The following ANKRD55 variants were observed in gnomAD, a reference collection of about 807,000 sequenced individuals.
ANKRD55 encodes the protein ankyrin repeat domain 55.
ANKRD55 carries 41 observed loss-of-function variants against 60.6 expected under a neutral mutation model. The observed-to-expected ratio is 0.68, with a 90% confidence interval of 0.53 to 0.88. The LOEUF is 0.88. Among genes scored for constraint, ANKRD55 ranks in the 40% least tolerant of loss-of-function variants. The pLI, the probability that ANKRD55 is intolerant of heterozygous loss-of-function variation, is 0.00. For missense variants in ANKRD55, 732 were observed against 767.6 expected, an observed-to-expected ratio of 0.95 and a Z score of 0.55; for synonymous variants, 264 against 290.3, an observed-to-expected ratio of 0.91 and a Z score of 0.92.
At chr5:56,172,286 A>G (rs1159458801) in intron 4 of ANKRD55, among the ~76,000 whole-genome samples, 1 of 152,180 alleles carries the variant, frequency 6.6e-6, no homozygotes, top group Admixed American at 6.5e-5. Context: ...TTGACCATTA[A>G]TATCTAAGTC....
At chr5:56,233,170 C>T (rs1442116596) in intron 1 of ANKRD55, 71 bp downstream of exon 1, 37 of 455,772 alleles carry the variant, frequency 8.1e-5, no homozygotes, top group Non-Finnish European at 1.1e-4. Context: ...ATAATACACC[C>T]TCCACCCCCA....
At chr5:56,218,303 C>T (rs1305916685) in intron 2 of ANKRD55, among the ~76,000 whole-genome samples, 2 of 152,114 alleles carry the variant, frequency 1.3e-5, no homozygotes, top group African/African-American at 2.4e-5. Flanking sequence ...GGGTAAAATG[C>T]TATCAAACCA....
At chr5:56,120,505 T>C (rs1285330537) in intron 8 of ANKRD55, among the ~76,000 whole-genome samples, 2 of 152,304 alleles carry the variant, frequency 1.3e-5, no homozygotes, top group East Asian at 3.9e-4. Context: ...AAAGCCAAGC[T>C]TGGGACTGAG....
intron 7 of ANKRD55, among the ~76,000 whole-genome samples, chr5:56,129,182 G>T (rs1757347565): frequency 6.6e-6 from 1 of 152,182 alleles, no homozygotes; most frequent in South Asian, 2.1e-4. Context: ...TTAGGCCTGG[G>T]AGGTAGGGAA....
chr5:56,207,315 T>C (rs1759535707), intron 2 of ANKRD55, among the ~76,000 whole-genome samples: 1 of 152,196 alleles, frequency 6.6e-6, no homozygotes, highest in Non-Finnish European at 1.5e-5. Flanking sequence ...TCCTTGTTGA[T>C]CTGAGGGCAT....
intron 8 of ANKRD55, among the ~76,000 whole-genome samples, chr5:56,123,099 T>C (rs1382538735): frequency 6.6e-6 from 1 of 152,002 alleles, no homozygotes; most frequent in African/African-American, 2.4e-5. Context: ...AGAATGACTA[T>C]CCCTCTGGTA....
In ANKRD55 at chr5:56,183,568, G is replaced by T. The variant is rs1234007531; in HGVS notation, c.125C>A (p.Ala42Asp). 2 of 1,614,210 alleles carry T rather than the reference G, an allele frequency of 1.2e-6. No homozygotes were observed. The highest frequency in any genetic ancestry group is 8.5e-7 in the Non-Finnish European group (1 of 1,180,036). ...GTCTTCCCGAATCACTGCAGTCAGA[G>T]CATTGACATCTCCATTAGAGGCTGC... Reference protein sequence around the residue: ...YQAASNGDVNALTAVIREDPS... With the variant: ...YQAASNGDVNDLTAVIREDPS... The change falls in exon 3 of 12, where the codon GCT becomes GAT. Residue 42 changes from alanine (A) to aspartate (D), a missense_variant. Physicochemically the swap from Ala to Asp is moderately radical, Grantham distance 126. Around this residue, in one of 3 missense-constraint regions of ANKRD55, gnomAD observed 131 missense variants for 142.7 expected, o/e 0.92. Transcript: ENST00000341048.
rs1756213488 is a variant in ANKRD55 at position 56,099,796 on chromosome 5, C to CTTTTTT, written c.*386_*387insAAAAAA. The CTTTTTT allele has an allele frequency of 6.6e-6, 1 of 151,210 alleles. No individual in the cohort carries two copies. 9.4% of individuals were successfully genotyped at this position (151,210 alleles called of 1,614,324 possible). On this transcript the variant is annotated 3_prime_UTR_variant, in exon 12 of 12. Coordinates refer to ENST00000341048, the MANE Select transcript of ANKRD55 (RefSeq NM_024669.3). ...GGTTTTTTTTTTGTTTTGTTTTTTGCTTTTATTCAGCAAAGCGTACTTTTT... is the reference window on the plus strand; with the variant it reads ...GGTTTTTTTTTTGTTTTGTTTTTTGCTTTTTTTTTTATTCAGCAAAGCGTACTTTTT...
chr5:56,121,510 C>T (rs1261969979), intron 8 of ANKRD55, among the ~76,000 whole-genome samples: 11 of 151,686 alleles, frequency 7.3e-5, no homozygotes, highest in East Asian at 3.9e-4. Context: ...GTAGCTGGGA[C>T]TACAGGCGCC....
rs1561263938 is a variant in ANKRD55 at position 56,135,288 on chromosome 5, C to CTTGCT, written c.613-8183_613-8182insAGCAA. 3.6e-3 allele frequency among the ~76,000 whole-genome samples: 337 copies of CTTGCT among 93,042 alleles called. 7 individuals are homozygous for CTTGCT. Among genetic ancestry groups the CTTGCT allele is most frequent in the African/African-American group, 6.4e-3 (167 of 26,004 alleles). 61.0% of individuals were successfully genotyped at this position (93,042 alleles called of 152,430 possible). A position where few individuals can be genotyped will look rare whatever the true frequency, so the allele number is the denominator to read the frequency against. On this transcript the variant is annotated intron_variant, in intron 7 of 11. Transcript: ENST00000341048. The stretch of plus-strand genomic sequence containing the variant: ...TTTCCCTCCCTCCCTCCCTGCCTGC[C>CTTGCT]TGCTTGCTTTCTTTCTTTCTTTCTT...
intron 2 of ANKRD55, among the ~76,000 whole-genome samples, chr5:56,217,424 T>C (rs533636430): frequency 2.0e-5 from 3 of 152,350 alleles, no homozygotes; most frequent in East Asian, 3.9e-4. Context: ...AGGAGTAATT[T>C]TGACTTTCAA....
chr5:56,198,902 A>G (rs533807451), intron 2 of ANKRD55, among the ~76,000 whole-genome samples: 1 of 150,514 alleles, frequency 6.6e-6, no homozygotes, highest in Admixed American at 6.6e-5. Flanking sequence ...ACATGGTGAA[A>G]CCCCGTCTCT....
chr5:56,228,234 C>CT (rs1212629302), intron 2 of ANKRD55, among the ~76,000 whole-genome samples: 1 of 152,040 alleles, frequency 6.6e-6, no homozygotes, highest in Non-Finnish European at 1.5e-5. Context: ...TGGGTGGTCC[C>CT]TAAATGCAAT....
chr5:56,231,688 CACACACACATACACATACACAA>C (rs1171363860), intron 2 of ANKRD55, among the ~76,000 whole-genome samples: 6 of 130,296 alleles, frequency 4.6e-5, no homozygotes, highest in African/African-American at 1.6e-4. Flanking sequence ...CACACACACA[CACACACACATACACATACACAA>C]ACACTATTCC....
rs561508283 is a variant in ANKRD55, at chr5:56,160,440, C to T, written c.423-547G>A. ...TTTTTTAGTAGAGACGGGGTTTCAC[C>T]GTGTTAGCCAGGATGGTCTGGATCT... On this transcript the variant is annotated intron_variant, in intron 5 of 11. Coordinates refer to ENST00000341048, the MANE Select transcript of ANKRD55 (RefSeq NM_024669.3). Among the ~76,000 whole-genome samples, 577 of 152,214 alleles carry T rather than the reference C, an allele frequency of 3.8e-3. 10 individuals carry two copies. Among genetic ancestry groups the T allele is most frequent in the African/African-American group, 0.013 (560 of 41,522 alleles).
chr5:56,104,335 G>C (rs1331143337), intron 10 of ANKRD55, among the ~76,000 whole-genome samples: 1 of 152,144 alleles, frequency 6.6e-6, no homozygotes. Context: ...GCTAGGAAGG[G>C]ACACAGCCTA....
chr5:56,206,259 G>T (rs918073370), intron 2 of ANKRD55, among the ~76,000 whole-genome samples: 2 of 152,062 alleles, frequency 1.3e-5, no homozygotes, highest in African/African-American at 4.8e-5. Flanking sequence ...TTACAAGCAT[G>T]AGCCACCGCT....
intron 5 of ANKRD55, among the ~76,000 whole-genome samples, chr5:56,163,365 T>C (rs553014925): frequency 6.6e-6 from 1 of 152,150 alleles, no homozygotes; most frequent in African/African-American, 2.4e-5. Flanking sequence ...GTCCAGCATC[T>C]ATGTCAATTC....
chr5:56,197,517 A>G (rs1370015719), intron 2 of ANKRD55, among the ~76,000 whole-genome samples: 3 of 152,198 alleles, frequency 2.0e-5, no homozygotes, highest in African/African-American at 7.2e-5. Flanking sequence ...TTCTCCAAGT[A>G]TTTCATAGAG....
Sources: gnomAD v4.1 joint callset for allele counts (sites outside exome capture counted in the v4.1 genomes callset) on GRCh38, gnomAD v4.1.1 for gene constraint, gnomAD v4.1.1 regional missense constraint, MANE v1.5 for transcripts, NCBI Gene and HGNC (gene_info 2026-07-23, HGNC 2026-07-21) for gene names.